The following CSNK1A1 variants were observed in gnomAD, a reference collection of about 807,000 sequenced individuals.
The protein encoded by CSNK1A1 is casein kinase 1 alpha 1, also known as casein kinase I isoform alpha.
A neutral mutation model predicts 46.1 loss-of-function variants in CSNK1A1; 7 were observed. The observed-to-expected ratio is 0.15, with a 90% CI of 0.09 to 0.29. The LOEUF (loss-of-function observed/expected upper bound fraction) is 0.29, where lower values mean the gene tolerates loss of function less well. Among genes scored for constraint, CSNK1A1 ranks in the 10% least tolerant of loss-of-function variants. The pLI is 1.00. For synonymous variants in CSNK1A1, 137 were observed against 141.5 expected (o/e 0.97, Z 0.23); for missense variants, 96 against 417.1 (o/e 0.23, Z 6.71).
At chr5:149,519,748 C>T (rs996725602) in intron 4 of CSNK1A1, among the ~76,000 whole-genome samples, 6 of 152,182 alleles carry the variant, frequency 3.9e-5, no homozygotes, top group African/African-American at 1.4e-4. Context: ...CTGTCAACTA[C>T]TTTTGAAGCA....
chr5:149,528,615 T>C (rs974810461), intron 2 of CSNK1A1, among the ~76,000 whole-genome samples: 1 of 152,220 alleles, frequency 6.6e-6, no homozygotes, highest in Non-Finnish European at 1.5e-5. Flanking sequence ...AGCTTTTCTC[T>C]ACCTTCAATC....
At chr5:149,519,996 G>C (rs925021384) in intron 4 of CSNK1A1, among the ~76,000 whole-genome samples, 1 of 152,150 alleles carries the variant, frequency 6.6e-6, no homozygotes, top group Non-Finnish European at 1.5e-5. Context: ...ATGAAAAATA[G>C]ATACAACTGT....
At chr5:149,499,720 T>C (rs1760763751) in intron 9 of CSNK1A1, among the ~76,000 whole-genome samples, 2 of 151,646 alleles carry the variant, frequency 1.3e-5, no homozygotes, top group South Asian at 4.2e-4. Context: ...CCCCACAAAG[T>C]GTGTATCTGT....
chr5:149,507,435 A>G (rs147011541), intron 7 of CSNK1A1, among the ~76,000 whole-genome samples: 2 of 150,552 alleles, frequency 1.3e-5, no homozygotes, highest in Non-Finnish European at 2.9e-5. Flanking sequence ...AAAACCTGTC[A>G]TTTTATCAAA....
In CSNK1A1 at chr5:149,509,930, A is replaced by G. The variant is rs751661238; in HGVS notation, c.699T>C (p.Tyr233=). 2.5e-6 allele frequency: 4 copies of G among 1,609,500 alleles called. No individual in the cohort carries two copies. The South Asian group carries it at 3.3e-5, about 13-fold the overall frequency. Residue 233 remains tyrosine (Y), a synonymous_variant, in exon 7 of 10, where the codon TAT becomes TAC. Coordinates refer to ENST00000377843, the MANE Select transcript of CSNK1A1 (RefSeq NM_001892.6). The part of the protein sequence containing the change: ...GLKAATKKQK[Y]EKISEKKMST... ...ACATCTTCTTTTCACTAATCTTTTCATATTTTTGTTTCTTTGTTGCAGCCT... is the reference window on the plus strand; with the variant it reads ...ACATCTTCTTTTCACTAATCTTTTCGTATTTTTGTTTCTTTGTTGCAGCCT...
At chr5:149,529,387 T>C (rs1436812565) in intron 2 of CSNK1A1, among the ~76,000 whole-genome samples, 2 of 152,146 alleles carry the variant, frequency 1.3e-5, no homozygotes, top group Admixed American at 6.5e-5. Flanking sequence ...CATATCCAAA[T>C]TAAATCCAAT....
At chr5:149,499,972 T>TC (rs1213491807) in intron 9 of CSNK1A1, among the ~76,000 whole-genome samples, 10 of 119,826 alleles carry the variant, frequency 8.3e-5, no homozygotes, top group East Asian at 7.5e-4. Context: ...TTTTTCTTTT[T>TC]TTTTTTTTTT....
At position 149,505,655 on chromosome 5, in the gene CSNK1A1, TACTA is replaced by T. The variant is rs1434370226; in HGVS notation, c.858-64_858-61del. 6 of 1,411,168 alleles carry T rather than the reference TACTA, an allele frequency of 4.3e-6. No homozygotes were observed. In the African/African-American group the frequency reaches 8.5e-5, roughly 20 times the overall value. The allele number at this position is 1,411,168 out of a possible 1,614,324, so 87.4% of individuals were successfully genotyped here. On this transcript the variant is annotated intron_variant, in intron 8 of 9. Coordinates refer to ENST00000377843, the MANE Select transcript of CSNK1A1 (RefSeq NM_001892.6). The stretch of plus-strand genomic sequence containing the variant: ...AATAACAGAGTCCAGTTATATAACC[TACTA>T]ACTTTTTAAGACAGTGACAGCATTT...
chr5:149,498,638 G>C, intron 9 of CSNK1A1: 1 of 985,320 alleles, frequency 1.0e-6, no homozygotes, highest in South Asian at 4.7e-5. Context: ...ATCAGGATTT[G>C]GTTTCAAGTC....
intron 2 of CSNK1A1, among the ~76,000 whole-genome samples, chr5:149,540,843 G>A (rs565215951): frequency 6.6e-6 from 1 of 152,218 alleles, no homozygotes; most frequent in Non-Finnish European, 1.5e-5. Flanking sequence ...ACTTTGGGAG[G>A]TCGAGATGGG....
intron 9 of CSNK1A1, chr5:149,505,146 G>A (rs1225744359): frequency 2.9e-6 from 3 of 1,044,326 alleles, no homozygotes; most frequent in Non-Finnish European, 3.5e-6. Context: ...TTTGGAAAGG[G>A]GGTTAATGAA....
chr5:149,504,181 C>T (rs752641268), intron 9 of CSNK1A1: 81 of 985,272 alleles, frequency 8.2e-5, no homozygotes, highest in Non-Finnish European at 9.5e-5. Flanking sequence ...GTTTACATGT[C>T]ACCATCTGAA....
At chr5:149,549,455 C>T in intron 2 of CSNK1A1, 1 of 702,430 alleles carries the variant, frequency 1.4e-6, no homozygotes, top group East Asian at 2.7e-5. Flanking sequence ...CTCGAACCTC[C>T]ACACCGCCTC....
chr5:149,512,930 C>T, intron 5 of CSNK1A1, 140 bp downstream of exon 5: 1 of 979,082 alleles, frequency 1.0e-6, no homozygotes, highest in South Asian at 1.7e-5. Flanking sequence ...GTTAAAGCAG[C>T]AGGTAAAATG....
intron 2 of CSNK1A1, among the ~76,000 whole-genome samples, chr5:149,537,355 G>A (rs770850904): frequency 2.0e-5 from 3 of 152,118 alleles, no homozygotes; most frequent in African/African-American, 7.2e-5. Flanking sequence ...CAGCCTGAGC[G>A]ACAGAGTGAG....
chr5:149,498,137 T>C (rs1304298774), intron 9 of CSNK1A1: 9 of 985,472 alleles, frequency 9.1e-6, no homozygotes, highest in Non-Finnish European at 1.1e-5. Context: ...CAGCTTCTTT[T>C]ACTTTTTAAA....
chr5:149,498,168 A>G (rs1364046663), intron 9 of CSNK1A1: 1 of 984,972 alleles, frequency 1.0e-6, no homozygotes, highest in African/African-American at 1.7e-5. Flanking sequence ...GCCATCTCCC[A>G]TGGGCTTTGT....
chr5:149,551,137 C>T lies in CSNK1A1; in HGVS notation c.-173G>A, dbSNP rs947317410. 1.7e-5 allele frequency: 10 copies of T among 578,236 alleles called. No individual in the cohort carries two copies. The highest frequency in any genetic ancestry group is 3.8e-5 in the African/African-American group (2 of 52,186). The allele number at this position is 578,236 out of a possible 1,614,324, so 35.8% of individuals were successfully genotyped here. A position where few individuals can be genotyped will look rare whatever the true frequency, so the allele number is the denominator to read the frequency against. ...AATCAGCAGAGGGGAACCTGATCAC[C>T]GCCGCTCAGTCAGGTTTCTTTTTGC... On this transcript the variant is annotated 5_prime_UTR_variant, in exon 1 of 10. Coordinates refer to ENST00000377843, the MANE Select transcript of CSNK1A1 (RefSeq NM_001892.6).
chr5:149,535,364 T>A (rs1182103764), intron 2 of CSNK1A1, among the ~76,000 whole-genome samples: 1 of 152,168 alleles, frequency 6.6e-6, no homozygotes, highest in African/African-American at 2.4e-5. Flanking sequence ...CTAACTTTAC[T>A]ACACAAGAGT....
Sources: allele counts gnomAD v4.1 joint callset (sites outside exome capture counted in the v4.1 genomes callset), GRCh38; gene constraint gnomAD v4.1.1; transcripts MANE v1.5; gene names NCBI Gene and HGNC (gene_info 2026-07-23, HGNC 2026-07-21).